GRID2: variants seen among roughly 807,000 people sequenced by gnomAD.
GRID2 encodes the protein glutamate ionotropic receptor delta type subunit 2, also known as glutamate receptor ionotropic, delta-2.
GRID2 carries 33 observed loss-of-function variants against 114.8 expected under a neutral mutation model. The ratio of observed to expected loss-of-function variants is 0.29; its 90% CI spans 0.22 to 0.38. The LOEUF (loss-of-function observed/expected upper bound fraction) is 0.38, where lower values mean the gene tolerates loss of function less well. Ranked by LOEUF, GRID2 falls within the 10% of genes least tolerant of loss-of-function variation. The pLI is 1.00. For synonymous variants in GRID2, 505 were observed against 449.9 expected, an observed-to-expected ratio of 1.12 and a Z score of -1.55; for missense variants, 1,184 against 1,257.7, an observed-to-expected ratio of 0.94 and a Z score of 0.89.
intron 1 of GRID2, among the ~76,000 whole-genome samples, chr4:92,477,306 C>T (rs1053155689): frequency 6.6e-6 from 1 of 151,890 alleles, no homozygotes; most frequent in Non-Finnish European, 1.5e-5. Flanking sequence ...TTTAGTATTA[C>T]TGTGGAGAAA....
chr4:93,556,197 C>G (rs976457283), intron 13 of GRID2, among the ~76,000 whole-genome samples: 17 of 152,170 alleles, frequency 1.1e-4, no homozygotes, highest in Non-Finnish European at 2.1e-4. Context: ...CAGAATGCCT[C>G]TTCTCCTCCA....
At chr4:93,595,103 T>C (rs548287537) in intron 13 of GRID2, among the ~76,000 whole-genome samples, 7 of 152,190 alleles carry the variant, frequency 4.6e-5, no homozygotes, top group Non-Finnish European at 8.8e-5. Context: ...TTTTAAGACA[T>C]GCTGCCTGCT....
chr4:92,635,069 A>T (rs1482742369), intron 2 of GRID2, among the ~76,000 whole-genome samples: 3 of 152,104 alleles, frequency 2.0e-5, no homozygotes, highest in African/African-American at 7.2e-5. Context: ...GTAGAGAAAT[A>T]GGGTTCTGGG....
At chr4:92,531,591 C>T (rs1200830370) in intron 1 of GRID2, among the ~76,000 whole-genome samples, 1 of 151,964 alleles carries the variant, frequency 6.6e-6, no homozygotes. Flanking sequence ...GAAATACTAA[C>T]TACATTTTGA....
At chr4:93,014,367 A>C (rs1274128317) in intron 2 of GRID2, among the ~76,000 whole-genome samples, 1 of 152,114 alleles carries the variant, frequency 6.6e-6, no homozygotes, top group Non-Finnish European at 1.5e-5. Flanking sequence ...TTCTTAGCAG[A>C]GGGAAATGTA....
intron 8 of GRID2, among the ~76,000 whole-genome samples, chr4:93,324,812 G>A (rs1456416043): frequency 6.6e-6 from 1 of 152,120 alleles, no homozygotes. Context: ...AGATTTTCTA[G>A]TTTACTTGCG....
intron 14 of GRID2, among the ~76,000 whole-genome samples, chr4:93,679,579 T>A (rs940263211): frequency 6.6e-6 from 1 of 150,824 alleles, no homozygotes; most frequent in African/African-American, 2.5e-5. Context: ...ACAAACTGTC[T>A]CTCAGACCAC....
chr4:92,349,330 C>T (rs1250134893), intron 1 of GRID2, among the ~76,000 whole-genome samples: 1 of 151,754 alleles, frequency 6.6e-6, no homozygotes, highest in Admixed American at 6.6e-5. Context: ...ATTGACTTGT[C>T]CGTTTTTAAT....
chr4:92,778,750 AAGAATTATGGTC>A (rs1388819700), intron 2 of GRID2, among the ~76,000 whole-genome samples: 1 of 152,138 alleles, frequency 6.6e-6, no homozygotes. Flanking sequence ...TTACAGAACT[AAGAATTATGGTC>A]AGAAAATATT....
chr4:93,454,079 T>A (rs1291244819), intron 10 of GRID2, among the ~76,000 whole-genome samples: 1 of 152,050 alleles, frequency 6.6e-6, no homozygotes, highest in Admixed American at 6.6e-5. Context: ...ATTAAATACA[T>A]ATATGAGTTT....
intron 14 of GRID2, among the ~76,000 whole-genome samples, chr4:93,763,476 T>C (rs1733382245): frequency 6.6e-6 from 1 of 152,176 alleles, no homozygotes; most frequent in East Asian, 1.9e-4. Flanking sequence ...ATAATTATAT[T>C]GTTTGGTTTA....
At chr4:92,922,631 G>A (rs915914456) in intron 2 of GRID2, among the ~76,000 whole-genome samples, 4 of 152,226 alleles carry the variant, frequency 2.6e-5, no homozygotes, top group Admixed American at 1.3e-4. Flanking sequence ...CTATGTAATA[G>A]TCCAAAATCT....
At chr4:92,779,983 G>A (rs1180539558) in intron 2 of GRID2, among the ~76,000 whole-genome samples, 1 of 141,844 alleles carries the variant, frequency 7.1e-6, no homozygotes, top group East Asian at 2.1e-4. Flanking sequence ...AAAAACATTT[G>A]GCATTTGCCT....
chr4:92,608,397 C>A (rs1403806793), intron 2 of GRID2, among the ~76,000 whole-genome samples: 1 of 151,804 alleles, frequency 6.6e-6, no homozygotes, highest in Non-Finnish European at 1.5e-5. Context: ...TTCAAAGATG[C>A]CGCTTCAAAG....
rs140772901 is a variant in GRID2 at position 93,126,170 on chromosome 4, A to G, written c.735+15217A>G. 4.1e-3 allele frequency among the ~76,000 whole-genome samples: 629 copies of G among 152,304 alleles called. 8 individuals are homozygous for G. The highest frequency in any genetic ancestry group is 0.015 in the African/African-American group (607 of 41,568). On this transcript the variant is annotated intron_variant, in intron 4 of 15. Transcript: ENST00000282020. ...ATTTGCATTTTAAATTTCACTCACT[A>G]TTATTTAATTAGCATTAGTATATTA...
intron 1 of GRID2, among the ~76,000 whole-genome samples, chr4:92,306,493 G>A (rs975744162): frequency 1.5e-4 from 23 of 152,296 alleles, no homozygotes; most frequent in African/African-American, 4.6e-4. Context: ...GATTGGAGCA[G>A]GAATGCAGAT....
At chr4:93,035,632 T>C (rs889975800) in intron 2 of GRID2, among the ~76,000 whole-genome samples, 1 of 152,078 alleles carries the variant, frequency 6.6e-6, no homozygotes, top group Admixed American at 6.6e-5. Flanking sequence ...AAGTACTGGA[T>C]TGACAAGGGG....
chr4:93,528,756 G>A (rs374528503), intron 13 of GRID2, among the ~76,000 whole-genome samples: 3 of 152,082 alleles, frequency 2.0e-5, no homozygotes, highest in East Asian at 3.9e-4. Context: ...TCAGAATGGG[G>A]GAAGGAAGTA....
At chr4:92,562,701 G>A (rs1265653021) in intron 1 of GRID2, among the ~76,000 whole-genome samples, 2 of 152,126 alleles carry the variant, frequency 1.3e-5, no homozygotes, top group African/African-American at 4.8e-5. Context: ...CTGGGCTTTG[G>A]AGTCCAAACT....
Sources: gnomAD v4.1 joint callset for allele counts (sites outside exome capture counted in the v4.1 genomes callset) on GRCh38, gnomAD v4.1.1 for gene constraint, MANE v1.5 for transcripts, NCBI Gene and HGNC (gene_info 2026-07-23, HGNC 2026-07-21) for gene names.